The following KDM4B variants were observed in gnomAD, a reference collection of about 807,000 sequenced individuals.
The protein encoded by KDM4B is lysine demethylase 4B, also known as lysine-specific demethylase 4B.
KDM4B carries 32 observed loss-of-function variants against 125.2 expected under a neutral mutation model. That is an observed-to-expected ratio of 0.26 (90% CI 0.19 to 0.34). The LOEUF (loss-of-function observed/expected upper bound fraction) is 0.34, where lower values mean the gene tolerates loss of function less well. Ranked by LOEUF, KDM4B falls within the 10% of genes least tolerant of loss-of-function variation. The pLI is 1.00. For synonymous variants in KDM4B, 721 were observed against 677.9 expected (o/e 1.06, Z -0.99); for missense variants, 1,190 against 1,577.7 (o/e 0.75, Z 4.16).
intron 2 of KDM4B, among the ~76,000 whole-genome samples, chr19:5,029,330 G>A (rs964471073): frequency 6.6e-6 from 1 of 152,182 alleles, no homozygotes; most frequent in Non-Finnish European, 1.5e-5. Flanking sequence ...GCTCTTCCAG[G>A]GTGTCTGATG....
intron 6 of KDM4B, among the ~76,000 whole-genome samples, chr19:5,066,897 G>A (rs1049055341): frequency 2.6e-5 from 4 of 152,202 alleles, no homozygotes; most frequent in South Asian, 2.1e-4. Flanking sequence ...TGGAGACCCC[G>A]CTGGGGGTGC....
intron 10 of KDM4B, among the ~76,000 whole-genome samples, chr19:5,117,607 T>C (rs985990599): frequency 6.6e-6 from 1 of 152,168 alleles, no homozygotes; most frequent in Non-Finnish European, 1.5e-5. Context: ...CACCCAGCAT[T>C]TGCCTAGCCC....
chr19:5,058,457 A>C (rs1448181174), intron 6 of KDM4B, among the ~76,000 whole-genome samples: 1 of 152,210 alleles, frequency 6.6e-6, no homozygotes, highest in Non-Finnish European at 1.5e-5. Flanking sequence ...TGACCAGCTC[A>C]GGAGCAGGGG....
rs1217631889 is a variant in KDM4B, at chr19:5,141,065, T to TG, written c.2551-2901dup. 1 of 152,248 alleles carries TG rather than the reference T, an allele frequency of 6.6e-6. No homozygotes were observed. Among genetic ancestry groups the TG allele is most frequent in the Non-Finnish European group, 1.5e-5 (1 of 68,050 alleles). The allele number at this position is 152,248 out of a possible 1,614,324, so 9.4% of individuals were successfully genotyped here. ...GGGGAGACCACAAGGGTGGGACTGA[T>TG]GCCGGCCACAAAGCCCGGGCTCCCA... On this transcript the variant is annotated intron_variant, in intron 18 of 22. Transcript: ENST00000159111. The surrounding 1 kb of genome is among the most constrained non-coding windows in gnomAD (Gnocchi z 6.4).
In KDM4B at chr19:5,081,948, G is replaced by A. The variant is rs2145869575; in HGVS notation, c.781-419G>A. 6.6e-6 allele frequency among the ~76,000 whole-genome samples: 1 copy of A among 152,340 alleles called. No individual in the cohort carries two copies. The highest frequency in any genetic ancestry group is 2.1e-4 in the South Asian group (1 of 4,826). On this transcript the variant is annotated intron_variant, in intron 8 of 22. Transcript: ENST00000159111. This position sits in a 1 kb window ranked among gnomAD's most constrained non-coding sequence, Gnocchi z 4.2. ...TGCTTCAGGACATGTCACAGTGACT[G>A]TGAGTGTGACTCAGCCACCTCCAAA...
intron 7 of KDM4B, among the ~76,000 whole-genome samples, chr19:5,073,312 C>T (rs1468826436): frequency 1.3e-5 from 2 of 152,260 alleles, no homozygotes; most frequent in Non-Finnish European, 1.5e-5. Flanking sequence ...GTCGTCCACA[C>T]GGCAGTACCT....
chr19:5,069,918 TTAAAAAACAAAG>T (rs1172308604), intron 6 of KDM4B, among the ~76,000 whole-genome samples: 6 of 152,162 alleles, frequency 3.9e-5, no homozygotes, highest in Non-Finnish European at 7.3e-5. Context: ...CTTTATTTCA[TTAAAAAACAAAG>T]TGGCCTTTCA....
chr19:4,982,529 A>T (rs891467675), intron 1 of KDM4B, among the ~76,000 whole-genome samples: 5 of 151,982 alleles, frequency 3.3e-5, no homozygotes, highest in African/African-American at 2.4e-5. Flanking sequence ...TTTTTTAAAA[A>T]AATTTAAAAT....
chr19:5,150,610 G>A (rs2039929682), intron 22 of KDM4B, among the ~76,000 whole-genome samples, 160 bp downstream of exon 22: 1 of 152,180 alleles, frequency 6.6e-6, no homozygotes. Context: ...CTGGTCCATG[G>A]GCTCCTGGCA....
chr19:4,990,470 G>C (rs1234359955), intron 1 of KDM4B, among the ~76,000 whole-genome samples: 5 of 152,234 alleles, frequency 3.3e-5, no homozygotes, highest in South Asian at 4.1e-4. Flanking sequence ...GGATGCATCT[G>C]TTACCTGAGT....
intron 3 of KDM4B, among the ~76,000 whole-genome samples, chr19:5,038,943 C>T (rs530524023): frequency 2.0e-5 from 3 of 152,376 alleles, no homozygotes. Flanking sequence ...CCCAGTGTTT[C>T]CTAGCTCCTA....
intron 5 of KDM4B, among the ~76,000 whole-genome samples, chr19:5,042,172 C>G (rs909145400): frequency 3.3e-5 from 5 of 152,196 alleles, no homozygotes; most frequent in African/African-American, 1.2e-4. Flanking sequence ...GAGATGGGCC[C>G]TAAGTCTGGA....
chr19:5,118,470 C>T (rs2039298455), intron 10 of KDM4B, among the ~76,000 whole-genome samples: 1 of 152,044 alleles, frequency 6.6e-6, no homozygotes, highest in Admixed American at 6.5e-5. Flanking sequence ...GGGCTTAGGG[C>T]AGCTGCAGGG....
intron 1 of KDM4B, among the ~76,000 whole-genome samples, chr19:4,975,064 T>C (rs945166633): frequency 6.6e-6 from 1 of 152,144 alleles, no homozygotes; most frequent in Non-Finnish European, 1.5e-5. Context: ...GTCACTTCCC[T>C]TCCCTACTTC....
At chr19:5,133,027 G>A (rs1568317954) in intron 13 of KDM4B, among the ~76,000 whole-genome samples, 1 of 152,174 alleles carries the variant, frequency 6.6e-6, no homozygotes, top group Non-Finnish European at 1.5e-5. Context: ...TGAACCAGGG[G>A]CAGTGCCACA....
At chr19:5,106,398 G>T (rs1329411386) in intron 9 of KDM4B, among the ~76,000 whole-genome samples, 1 of 152,156 alleles carries the variant, frequency 6.6e-6, no homozygotes, top group East Asian at 1.9e-4. Flanking sequence ...AAAGATCCAC[G>T]TTGCACCCGT....
At chr19:5,002,708 C>T (rs1186576900) in intron 1 of KDM4B, among the ~76,000 whole-genome samples, 1 of 151,940 alleles carries the variant, frequency 6.6e-6, no homozygotes, top group African/African-American at 2.4e-5. Context: ...CACCTGTAGT[C>T]CCCGGACTGT....
At chr19:5,054,131 C>T (rs912520910) in intron 6 of KDM4B, among the ~76,000 whole-genome samples, 1 of 152,226 alleles carries the variant, frequency 6.6e-6, no homozygotes, top group Non-Finnish European at 1.5e-5. Context: ...GTCATCCAGG[C>T]TGGAGTGCAG....
At chr19:5,104,922 T>G (rs1042229751) in intron 9 of KDM4B, among the ~76,000 whole-genome samples, 1 of 152,168 alleles carries the variant, frequency 6.6e-6, no homozygotes, top group African/African-American at 2.4e-5. Context: ...CTCATTAAGA[T>G]AACTGGGGCC....
Sources: gnomAD v4.1 joint callset for allele counts (sites outside exome capture counted in the v4.1 genomes callset) on GRCh38, gnomAD v4.1.1 for gene constraint, Gnocchi (gnomAD v3.1) non-coding constraint, MANE v1.5 for transcripts, NCBI Gene and HGNC (gene_info 2026-07-23, HGNC 2026-07-21) for gene names.